TMEM200A: variants seen among roughly 807,000 people sequenced by gnomAD.
TMEM200A encodes the protein two transmembrane C.
In TMEM200A, 12 loss-of-function variants were observed where a neutral mutation model predicts 24.3. The ratio of observed to expected loss-of-function variants is 0.49; its 90% CI spans 0.32 to 0.80. The LOEUF (loss-of-function observed/expected upper bound fraction) is 0.80. TMEM200A is among the 30% of genes least tolerant of loss of function. The pLI is 0.04. For synonymous variants in TMEM200A, 224 were observed against 224.4 expected (o/e 1.00, Z 0.02); for missense variants, 545 against 614.4 (o/e 0.89, Z 1.19).
At chr6:130,426,703 A>G (rs1405861721) in intron 2 of TMEM200A, among the ~76,000 whole-genome samples, 1 of 152,186 alleles carries the variant, frequency 6.6e-6, no homozygotes, top group South Asian at 2.1e-4. Flanking sequence ...AAAGAAAGCC[A>G]TGTCCCTTTT....
chr6:130,406,895 C>G lies in TMEM200A; in HGVS notation c.-17+21659C>G, dbSNP rs374404966. ...TGTTTGATCTCTTGATGGCTGATCT[C>G]TCCACGTTTTTTAAACTTTCTCCTT... is the stretch of plus-strand genomic sequence containing the variant. On this transcript the variant is annotated intron_variant, in intron 2 of 2. Coordinates refer to ENST00000296978, the MANE Select transcript of TMEM200A (RefSeq NM_001258277.2). Among the ~76,000 whole-genome samples, 50 of 152,292 alleles carry G rather than the reference C, an allele frequency of 3.3e-4. 5 individuals carry two copies. In the South Asian group the frequency reaches 8.5e-3, roughly 26 times the overall value.
In TMEM200A at chr6:130,401,454, CTTCCTTCT is replaced by C. The variant is rs1231343979; in HGVS notation, c.-17+16222_-17+16229del. The stretch of plus-strand genomic sequence containing the variant: ...CTCTCTTTCCTTCCTTCCTTCCTTC[CTTCCTTCT>C]TTCTTTTTCTTGCTTTCTTTTTCTC... On this transcript the variant is annotated intron_variant, in intron 2 of 2. Coordinates refer to ENST00000296978, the MANE Select transcript of TMEM200A (RefSeq NM_001258277.2). Among the ~76,000 whole-genome samples, 277 of 136,374 alleles carry C rather than the reference CTTCCTTCT, an allele frequency of 2.0e-3. 1 individual carries two copies. The highest frequency in any genetic ancestry group is 7.3e-3 in the African/African-American group (268 of 36,762). The allele number at this position is 136,374 out of a possible 152,430, so 89.5% of individuals were successfully genotyped here. A position where few individuals can be genotyped will look rare whatever the true frequency, so the allele number is the denominator to read the frequency against.
At chr6:130,395,022 G>C (rs1778916646) in intron 2 of TMEM200A, among the ~76,000 whole-genome samples, 1 of 152,186 alleles carries the variant, frequency 6.6e-6, no homozygotes, top group Admixed American at 6.5e-5. Context: ...CGGTATCCTA[G>C]TCTTCTTTCT....
intron 2 of TMEM200A, among the ~76,000 whole-genome samples, chr6:130,394,573 AG>A (rs969030694): frequency 1.3e-5 from 2 of 152,144 alleles, no homozygotes; most frequent in African/African-American, 4.8e-5. Flanking sequence ...TATATGTGGG[AG>A]GACATTTTTT....
intron 2 of TMEM200A, among the ~76,000 whole-genome samples, chr6:130,419,557 T>C (rs1779533541): frequency 6.6e-6 from 1 of 152,184 alleles, no homozygotes; most frequent in African/African-American, 2.4e-5. Context: ...GGACTTCCCT[T>C]TTCTGTGCAG....
At chr6:130,423,138 G>A (rs2115186609) in intron 2 of TMEM200A, among the ~76,000 whole-genome samples, 1 of 152,282 alleles carries the variant, frequency 6.6e-6, no homozygotes, top group East Asian at 1.9e-4. Context: ...ATTATATTTA[G>A]TTAGACCACG....
chr6:130,389,106 T>C (rs1275528793), intron 2 of TMEM200A, among the ~76,000 whole-genome samples: 2 of 152,176 alleles, frequency 1.3e-5, no homozygotes, highest in East Asian at 3.8e-4. Flanking sequence ...AAAATACAGT[T>C]TTAGATTCGA....
intron 2 of TMEM200A, among the ~76,000 whole-genome samples, chr6:130,417,724 A>T (rs887642868): frequency 2.6e-5 from 4 of 152,020 alleles, no homozygotes; most frequent in African/African-American, 9.7e-5. Context: ...AATTTTAAAA[A>T]CTCCAAAGTC....
At position 130,366,669 on chromosome 6, in the gene TMEM200A, G is replaced by C. The variant is rs1056075616; in HGVS notation, c.-81+145G>C. 1.3e-6 allele frequency: 1 copy of C among 758,668 alleles called. No individual in the cohort carries two copies. Among genetic ancestry groups the C allele is most frequent in the African/African-American group, 1.9e-5 (1 of 52,770 alleles). The allele number at this position is 758,668 out of a possible 1,614,324, so 47.0% of individuals were successfully genotyped here. A position where few individuals can be genotyped will look rare whatever the true frequency, so the allele number is the denominator to read the frequency against. On this transcript the variant is annotated intron_variant, in intron 1 of 2. Coordinates refer to ENST00000296978, the MANE Select transcript of TMEM200A (RefSeq NM_001258277.2). This position sits in a 1 kb window ranked among gnomAD's most constrained non-coding sequence, Gnocchi z 4.4. ...TTAGGTAAACGCTGTCTCTCCTAAAGTTTGGGAAATAAACCAAGTCCGCCA... is the reference window on the plus strand; with the variant it reads ...TTAGGTAAACGCTGTCTCTCCTAAACTTTGGGAAATAAACCAAGTCCGCCA...
At chr6:130,429,555 G>A (rs1779826500) in intron 2 of TMEM200A, among the ~76,000 whole-genome samples, 2 of 152,110 alleles carry the variant, frequency 1.3e-5, no homozygotes, top group Non-Finnish European at 2.9e-5. Flanking sequence ...AAGAGAGATT[G>A]TTTACCTGTA....
At chr6:130,421,993 A>G (rs1274159276) in intron 2 of TMEM200A, among the ~76,000 whole-genome samples, 1 of 152,108 alleles carries the variant, frequency 6.6e-6, no homozygotes, top group Non-Finnish European at 1.5e-5. Context: ...TATCTTGGCT[A>G]TTGTGAATAA....
rs1046675869 is a variant in TMEM200A, at chr6:130,435,427, A to G, written c.-16-4980A>G. Among the ~76,000 whole-genome samples the G allele has an allele frequency of 7.9e-5, 12 of 152,214 alleles. 1 individual carries two copies. The highest frequency in any genetic ancestry group is 2.9e-5 in the Non-Finnish European group (2 of 68,038). ...TCATCAAAATGATGGTTGCTGATCA[A>G]TATAGTCTCAGGCCAGGAAACATAT... On this transcript the variant is annotated intron_variant, in intron 2 of 2. Coordinates refer to ENST00000296978, the MANE Select transcript of TMEM200A (RefSeq NM_001258277.2).
intron 2 of TMEM200A, among the ~76,000 whole-genome samples, chr6:130,434,694 G>A (rs1167576042): frequency 6.6e-6 from 1 of 152,128 alleles, no homozygotes; most frequent in African/African-American, 2.4e-5. Context: ...CGGACGGTAT[G>A]TGGTATAGTA....
intron 2 of TMEM200A, among the ~76,000 whole-genome samples, chr6:130,420,193 ATCTC>A (rs892611579): frequency 9.2e-5 from 14 of 152,158 alleles, no homozygotes; most frequent in African/African-American, 3.1e-4. Context: ...AGTTGTTTTA[ATCTC>A]TCTTTTATTT....
rs1283383849 is a variant in TMEM200A at position 130,442,927 on chromosome 6, A to C, written c.*1029A>C. ...TTCAAAAAAATTTAGTTCTTGATAAATTGCCTTGAAGTTTACCTTGTGCTG... is the reference window on the plus strand; with the variant it reads ...TTCAAAAAAATTTAGTTCTTGATAACTTGCCTTGAAGTTTACCTTGTGCTG... On this transcript the variant is annotated 3_prime_UTR_variant, in exon 3 of 3. Transcript: ENST00000296978. 6.0e-6 allele frequency: 1 copy of C among 166,986 alleles called. No individual in the cohort carries two copies. Among genetic ancestry groups the C allele is most frequent in the Non-Finnish European group, 1.5e-5 (1 of 68,080 alleles). The allele number at this position is 166,986 out of a possible 1,614,324, so 10.3% of individuals were successfully genotyped here.
At chr6:130,372,850 G>A (rs1335173623) in intron 1 of TMEM200A, among the ~76,000 whole-genome samples, 1 of 152,184 alleles carries the variant, frequency 6.6e-6, no homozygotes, top group African/African-American at 2.4e-5. Context: ...AGCCTATTCG[G>A]AGAGGTAAAA....
At chr6:130,414,601 G>A (rs1400594646) in intron 2 of TMEM200A, among the ~76,000 whole-genome samples, 3 of 152,140 alleles carry the variant, frequency 2.0e-5, no homozygotes, top group Admixed American at 1.3e-4. Flanking sequence ...AAGAGTGCTT[G>A]TAAATACTGT....
chr6:130,397,186 C>T (rs1778972213), intron 2 of TMEM200A, among the ~76,000 whole-genome samples: 1 of 152,036 alleles, frequency 6.6e-6, no homozygotes, highest in Non-Finnish European at 1.5e-5. Flanking sequence ...TTCAGTTTTT[C>T]CTTATTACAA....
chr6:130,429,352 T>C lies in TMEM200A; in HGVS notation c.-16-11055T>C, dbSNP rs566753451. 7.2e-5 allele frequency among the ~76,000 whole-genome samples: 11 copies of C among 152,134 alleles called. No individual in the cohort carries two copies. In the East Asian group the frequency reaches 1.9e-3, roughly 27 times the overall value. On this transcript the variant is annotated intron_variant, in intron 2 of 2. Transcript: ENST00000296978. ...GCCTGGCCAACATGGTGAAACCCCATCTCTACTAAAAATACAAAAATTAGC... is the reference window on the plus strand; with the variant it reads ...GCCTGGCCAACATGGTGAAACCCCACCTCTACTAAAAATACAAAAATTAGC...
Sources: gnomAD v4.1 joint callset for allele counts (sites outside exome capture counted in the v4.1 genomes callset) on GRCh38, gnomAD v4.1.1 for gene constraint, Gnocchi (gnomAD v3.1) non-coding constraint, MANE v1.5 for transcripts, NCBI Gene and HGNC (gene_info 2026-07-23, HGNC 2026-07-21) for gene names.